Variants in SLC60A2 observed in about 807,000 individuals in gnomAD.
SLC60A2 encodes solute carrier family 60 member 2.
chr6:111,267,123 A>G, the SLC60A2 span: 2 of 1,595,896 alleles, frequency 1.3e-6, no homozygotes, highest in Non-Finnish European at 1.7e-6. Context: ...CGTTTAGAGA[A>G]GATGGATTAC....
the SLC60A2 span, among the ~76,000 whole-genome samples, chr6:111,274,331 G>A: frequency 6.6e-6 from 1 of 152,158 alleles, no homozygotes; most frequent in Non-Finnish European, 1.5e-5. Flanking sequence ...CCTGGTTTTG[G>A]TTTTGCTTTG....
chr6:111,279,363 G>A, the SLC60A2 span, among the ~76,000 whole-genome samples: 15 of 151,536 alleles, frequency 9.9e-5, no homozygotes, highest in South Asian at 1.9e-3. Context: ...CCGGGTTCAC[G>A]CCATTCTCCT....
chr6:111,276,135 C>T, the SLC60A2 span, among the ~76,000 whole-genome samples: 5 of 152,140 alleles, frequency 3.3e-5, no homozygotes, highest in African/African-American at 9.7e-5. Flanking sequence ...TATGATACAC[C>T]ATTGTATATA....
chr6:111,263,872 C>G, the SLC60A2 span: 3 of 1,612,134 alleles, frequency 1.9e-6, no homozygotes, highest in East Asian at 4.5e-5. Context: ...TATCTTGTTC[C>G]TTTTTGCAAG....
chr6:111,277,288 C>T, the SLC60A2 span, among the ~76,000 whole-genome samples: 1 of 152,314 alleles, frequency 6.6e-6, no homozygotes, highest in South Asian at 2.1e-4. Context: ...AAAATCACAC[C>T]AAATTGCAGA....
chr6:111,266,505 T>G, the SLC60A2 span: 1 of 1,614,242 alleles, frequency 6.2e-7, no homozygotes, highest in South Asian at 1.1e-5. Context: ...TCTGGTGCTT[T>G]TTGACAAGAA....
chr6:111,262,285 C>T, the SLC60A2 span: 78 of 1,613,822 alleles, frequency 4.8e-5, no homozygotes, highest in Non-Finnish European at 6.0e-5. Context: ...GTGGGACCCA[C>T]GTTTCAAGAT....
At chr6:111,266,761 T>C in the SLC60A2 span, 32 of 1,614,082 alleles carry the variant, frequency 2.0e-5, no homozygotes, top group Non-Finnish European at 2.6e-5. Context: ...ACTGGTATTT[T>C]ATTTCCTGTG....
chr6:111,259,785 C>G, the SLC60A2 span: 2 of 1,510,030 alleles, frequency 1.3e-6, no homozygotes, highest in South Asian at 2.5e-5. Flanking sequence ...GCCTTCGCCA[C>G]TTGCAAACTG....
chr6:111,259,911 C>CTTTTTTT, the SLC60A2 span, among the ~76,000 whole-genome samples: 6 of 121,170 alleles, frequency 5.0e-5, no homozygotes, highest in African/African-American at 9.6e-5. Flanking sequence ...CTCCAGCAAG[C>CTTTTTTT]TTTTTTTTTT....
chr6:111,273,507 T>TG, the SLC60A2 span, among the ~76,000 whole-genome samples: 67 of 123,652 alleles, frequency 5.4e-4, 1 homozygote, highest in Middle Eastern at 3.8e-3. Flanking sequence ...TTTTTTTTTT[T>TG]TTTTTTGTTT....
At chr6:111,267,437 A>C in the SLC60A2 span, 350 of 225,136 alleles carry the variant, frequency 1.6e-3, 5 homozygotes, top group South Asian at 9.7e-3. Flanking sequence ...GGGTATTCTC[A>C]GAATGAGACC....
At chr6:111,277,648 A>G in the SLC60A2 span, among the ~76,000 whole-genome samples, 3 of 152,234 alleles carry the variant, frequency 2.0e-5, no homozygotes, top group Non-Finnish European at 4.4e-5. Flanking sequence ...AAGAGCCAGT[A>G]ACTCTTATTG....
the SLC60A2 span, among the ~76,000 whole-genome samples, chr6:111,273,495 T>TG: frequency 5.6e-4 from 58 of 103,922 alleles, 2 homozygotes; most frequent in Middle Eastern, 0.032. Context: ...TTGAGATTTG[T>TG]GTTTTTTTTT....
At chr6:111,272,523 T>G in the SLC60A2 span, among the ~76,000 whole-genome samples, 2 of 151,314 alleles carry the variant, frequency 1.3e-5, no homozygotes, top group African/African-American at 4.9e-5. Flanking sequence ...TTTTTTTTTT[T>G]TTTTTGAGAT....
the SLC60A2 span, chr6:111,265,786 G>T: frequency 1.0e-6 from 1 of 1,004,826 alleles, no homozygotes; most frequent in African/African-American, 1.6e-5. Context: ...ATGTAAAATA[G>T]ACTCACCCCC....
chr6:111,269,277 G>GGTT, the SLC60A2 span: 1 of 152,390 alleles, frequency 6.6e-6, no homozygotes, highest in Non-Finnish European at 1.5e-5. Flanking sequence ...TCAGCTCACT[G>GGTT]CAACCTCTGC....
chr6:111,262,465 G>A, the SLC60A2 span: 2 of 1,553,736 alleles, frequency 1.3e-6, no homozygotes, highest in South Asian at 2.3e-5. Context: ...TGACTGTCAA[G>A]TGAATTTACA....
chr6:111,262,684 TA>T, the SLC60A2 span, among the ~76,000 whole-genome samples: 1 of 152,126 alleles, frequency 6.6e-6, no homozygotes, highest in Admixed American at 6.5e-5. Flanking sequence ...CACTATAATT[TA>T]GCTACCACTC....
Sources: allele counts gnomAD v4.1 joint callset (sites outside exome capture counted in the v4.1 genomes callset), GRCh38; gene constraint gnomAD v4.1.1; transcripts MANE v1.5; gene names NCBI Gene and HGNC (gene_info 2026-07-23, HGNC 2026-07-21).